Variants in LAMP5 observed in about 807,000 individuals in gnomAD.
LAMP5 encodes the protein lysosome associated membrane protein 5.
Under a neutral mutation model 30.2 loss-of-function variants are expected in LAMP5, and 36 were observed. That is an observed-to-expected ratio of 1.19 (90% CI 0.91 to 1.57). The LOEUF is 1.57. Ranked by LOEUF, LAMP5 falls within the 40% of genes most tolerant of loss-of-function variation. LAMP5 has a pLI of 0.00. For synonymous variants in LAMP5, 149 were observed against 134.6 expected (o/e 1.11, Z -0.74); for missense variants, 377 against 354.9 (o/e 1.06, Z -0.50).
Position 9,515,636 on chromosome 20 carries a change from T to C in LAMP5, c.237+11T>C. 6.3e-7 allele frequency: 1 copy of C among 1,592,936 alleles called. No individual in the cohort carries two copies. The highest frequency in any genetic ancestry group is 8.5e-7 in the Non-Finnish European group (1 of 1,174,110). ...AGCAACTACGTAGATGTAAGGAATC[T>C]TTCCCCCCCCTCAGCTTGCTCCTAG... On this transcript the variant is annotated intron_variant, in intron 2 of 5. Transcript: ENST00000246070.
chr20:9,529,965 G>A lies in LAMP5; in HGVS notation c.*145G>A. 1 of 776,350 alleles carries A rather than the reference G, an allele frequency of 1.3e-6. No individual in the cohort carries two copies. The highest frequency in any genetic ancestry group is 2.0e-6 in the Non-Finnish European group (1 of 499,818). 48.1% of individuals were successfully genotyped at this position (776,350 alleles called of 1,614,324 possible). A position where few individuals can be genotyped will look rare whatever the true frequency, so the allele number is the denominator to read the frequency against. Reference sequence around the variant, plus strand: ...GGTATCTGAGGCTTGCTTGGCTTGTGTCCATGCTTAAACCCACGGAAGGGG... The same window carrying A: ...GGTATCTGAGGCTTGCTTGGCTTGTATCCATGCTTAAACCCACGGAAGGGG... On this transcript the variant is annotated 3_prime_UTR_variant, in exon 6 of 6. Transcript: ENST00000246070.
In LAMP5 at chr20:9,514,743, T is replaced by C; in HGVS notation, c.-110T>C. On this transcript the variant is annotated 5_prime_UTR_variant, in exon 1 of 6. Transcript: ENST00000246070. ...ACGCGCTCCCTCCCTCCCCCTTCTC[T>C]GTCCCCCGCCTCTCGCTCACCCCGG... is the stretch of plus-strand genomic sequence containing the variant. The C allele has an allele frequency of 1.1e-6, 1 of 920,310 alleles. No individual in the cohort carries two copies. 57.0% of individuals were successfully genotyped at this position (920,310 alleles called of 1,614,324 possible). A position where few individuals can be genotyped will look rare whatever the true frequency, so the allele number is the denominator to read the frequency against.
intron 5 of LAMP5, among the ~76,000 whole-genome samples, chr20:9,523,240 G>A (rs945871603): frequency 7.2e-5 from 11 of 152,096 alleles, no homozygotes; most frequent in Non-Finnish European, 1.2e-4. Context: ...TGGAAAGAGC[G>A]TCAAACCCTT....
chr20:9,529,568 C>A (rs993110872), intron 5 of LAMP5, 74 bp from the exon 6 acceptor site: 26 of 1,458,960 alleles, frequency 1.8e-5, no homozygotes, highest in Admixed American at 4.3e-5. Flanking sequence ...CTCCATTTCC[C>A]TTTTTGTTTT....
In LAMP5 at chr20:9,520,759, C is replaced by T. The variant is rs118097620; in HGVS notation, c.664+2531C>T. Among the ~76,000 whole-genome samples, 912 of 152,208 alleles carry T rather than the reference C, an allele frequency of 6.0e-3. 6 individuals carry two copies. The highest frequency in any genetic ancestry group is 0.01 in the Admixed American group (155 of 15,284). ...TATGAGAAAATCAAGGTAGTGTCCA[C>T]GAAGTCGGTAAGTGGACACTCACAA... On this transcript the variant is annotated intron_variant, in intron 5 of 5. Transcript: ENST00000246070.
At chr20:9,523,208 C>A (rs2045090641) in intron 5 of LAMP5, among the ~76,000 whole-genome samples, 1 of 152,046 alleles carries the variant, frequency 6.6e-6, no homozygotes, top group Admixed American at 6.5e-5. Context: ...TATAGGAGTC[C>A]AGGGCCAGCA....
At position 9,514,858 on chromosome 20, in the gene LAMP5, T is replaced by C; in HGVS notation, c.6T>C (p.Asp2=). ...TCATTCGGGGCACTGCGAGTATGGA[T>C]CTCCAAGGAAGAGGGGTCCCCAGCA... M[D]LQGRGVPSID... Residue 2 remains aspartate, a synonymous_variant, in exon 1 of 6, where the codon GAT becomes GAC. Transcript: ENST00000246070. 1.9e-6 allele frequency: 3 copies of C among 1,614,104 alleles called. No homozygotes were observed. The highest frequency in any genetic ancestry group is 2.5e-6 in the Non-Finnish European group (3 of 1,180,008).
intron 5 of LAMP5, among the ~76,000 whole-genome samples, chr20:9,524,642 ATGGTT>A (rs2045101298): frequency 6.6e-6 from 1 of 150,498 alleles, no homozygotes; most frequent in Non-Finnish European, 1.5e-5. Context: ...TTGGTGCTAG[ATGGTT>A]TTCAGAATTC....
intron 5 of LAMP5, among the ~76,000 whole-genome samples, chr20:9,527,164 G>A (rs570644393): frequency 6.6e-6 from 1 of 151,978 alleles, no homozygotes; most frequent in South Asian, 2.1e-4. Flanking sequence ...CTCCACCTTG[G>A]GATTCTGTGG....
At chr20:9,522,026 G>A (rs766384060) in intron 5 of LAMP5, among the ~76,000 whole-genome samples, 2 of 152,198 alleles carry the variant, frequency 1.3e-5, no homozygotes, top group African/African-American at 2.4e-5. Flanking sequence ...TTACAGTGGA[G>A]CAGCTGAGAC....
chr20:9,530,010 AG>A lies in LAMP5; in HGVS notation c.*193del, dbSNP rs1396946000. On this transcript the variant is annotated 3_prime_UTR_variant, in exon 6 of 6. Coordinates refer to ENST00000246070, the MANE Select transcript of LAMP5 (RefSeq NM_012261.4). The stretch of plus-strand genomic sequence containing the variant: ...AAGGGGGAGACTCTTTCGGATTTGT[AG>A]GGTGAAATGGCAATTATTCTCTCCA... 3 of 521,480 alleles carry A rather than the reference AG, an allele frequency of 5.8e-6. No individual in the cohort carries two copies. The highest frequency in any genetic ancestry group is 5.7e-5 in the African/African-American group (3 of 53,048). The allele number at this position is 521,480 out of a possible 1,614,324, so 32.3% of individuals were successfully genotyped here.
At position 9,515,527 on chromosome 20, in the gene LAMP5, A is replaced by G. The variant is rs746094624; in HGVS notation, c.139A>G (p.Ile47Val). 13 of 1,614,194 alleles carry G rather than the reference A, an allele frequency of 8.1e-6. No individual in the cohort carries two copies. Among genetic ancestry groups the G allele is most frequent in the African/African-American group, 1.3e-5 (1 of 75,052 alleles). ...CCTTTCCACTAACCCTGAAAAAGAT[A>G]TATTTGTGGTGCGGGAAAATGGGAC... ...SGLSTNPEKD[I>V]FVVRENGTTC... Residue 47 changes from isoleucine to valine, a missense_variant, in exon 2 of 6, where the codon ATA becomes GTA. By Grantham distance (29) the Ile-to-Val change is conservative. Coordinates refer to ENST00000246070, the MANE Select transcript of LAMP5 (RefSeq NM_012261.4).
chr20:9,514,796 T>TC lies in LAMP5; in HGVS notation c.-54dup, dbSNP rs2045022295. ...CACTCCAGCGGCGACTTTGAGGGAT[T>TC]CCCTCTCTGGCGGCCTCTGCAGCAG... On this transcript the variant is annotated 5_prime_UTR_variant, in exon 1 of 6. Transcript: ENST00000246070. 6.4e-7 allele frequency: 1 copy of TC among 1,555,652 alleles called. No homozygotes were observed. The highest frequency in any genetic ancestry group is 1.4e-5 in the African/African-American group (1 of 73,564).
At position 9,529,908 on chromosome 20, in the gene LAMP5, T is replaced by C; in HGVS notation, c.*88T>C. 1 of 1,302,300 alleles carries C rather than the reference T, an allele frequency of 7.7e-7. No homozygotes were observed. Among genetic ancestry groups the C allele is most frequent in the Non-Finnish European group, 1.1e-6 (1 of 924,888 alleles). 80.7% of individuals were successfully genotyped at this position (1,302,300 alleles called of 1,614,324 possible). The stretch of plus-strand genomic sequence containing the variant: ...GCACTTTTCCATCTTGTACACGAGA[T>C]ACACCAACATAGCTACAATCAAACA... On this transcript the variant is annotated 3_prime_UTR_variant, in exon 6 of 6. Transcript: ENST00000246070.
chr20:9,525,626 A>G (rs1274481767), intron 5 of LAMP5, among the ~76,000 whole-genome samples: 1 of 152,218 alleles, frequency 6.6e-6, no homozygotes, highest in East Asian at 1.9e-4. Flanking sequence ...ATATCTAACT[A>G]TATATCTGTT....
In LAMP5 at chr20:9,529,663, A is replaced by T; in HGVS notation, c.686A>T (p.Glu229Val). The stretch of plus-strand genomic sequence containing the variant: ...GCAGAGCATAAATGCCCAGTGGATG[A>T]GCGGGAGCAACTGGAAGAAACCTTG... Reference protein sequence around the residue: ...FSEEHKCPVDEREQLEETLPL... With the variant: ...FSEEHKCPVDVREQLEETLPL... The change falls in exon 6 of 6, where the codon GAG (glutamate) becomes GTG (valine). Residue 229 changes from glutamate (E) to valine (V), a missense_variant. Glu to Val is a moderately radical substitution (Grantham distance 121, BLOSUM62 -2). Coordinates refer to ENST00000246070, the MANE Select transcript of LAMP5 (RefSeq NM_012261.4). 1 of 1,614,160 alleles carries T rather than the reference A, an allele frequency of 6.2e-7. No homozygotes were observed. Among genetic ancestry groups the T allele is most frequent in the East Asian group, 2.2e-5 (1 of 44,870 alleles).
Position 9,529,625 on chromosome 20 carries a change from C to T in LAMP5, c.665-17C>T. ...GTTTTGACCAGAGCTCTCTGCTTTTCTTCTTTCCCATTGCAGAGCATAAAT... is the reference window on the plus strand; with the variant it reads ...GTTTTGACCAGAGCTCTCTGCTTTTTTTCTTTCCCATTGCAGAGCATAAAT... On this transcript the variant is annotated splice_polypyrimidine_tract_variant and intron_variant, in intron 5 of 5. Coordinates refer to ENST00000246070, the MANE Select transcript of LAMP5 (RefSeq NM_012261.4). 6.2e-7 allele frequency: 1 copy of T among 1,609,794 alleles called. No individual in the cohort carries two copies. The highest frequency in any genetic ancestry group is 8.5e-7 in the Non-Finnish European group (1 of 1,176,824).
intron 5 of LAMP5, among the ~76,000 whole-genome samples, chr20:9,529,132 T>C (rs1432865602): frequency 2.0e-5 from 3 of 152,212 alleles, no homozygotes; most frequent in Non-Finnish European, 2.9e-5. Flanking sequence ...GGATGCTGGG[T>C]ATGTTTGTCT....
At chr20:9,528,678 C>G (rs2045130471) in intron 5 of LAMP5, among the ~76,000 whole-genome samples, 1 of 152,154 alleles carries the variant, frequency 6.6e-6, no homozygotes, top group Non-Finnish European at 1.5e-5. Context: ...TGCTTTCGTA[C>G]TTATATTTGC....
Sources: allele counts gnomAD v4.1 joint callset (sites outside exome capture counted in the v4.1 genomes callset), GRCh38; gene constraint gnomAD v4.1.1; transcripts MANE v1.5; gene names NCBI Gene and HGNC (gene_info 2026-07-23, HGNC 2026-07-21).